Variants in PSD3 observed in about 807,000 individuals in gnomAD.
PSD3 encodes the protein pleckstrin and Sec7 domain containing 3.
Under a neutral mutation model 105.5 loss-of-function variants are expected in PSD3, and 49 were observed. That is an observed-to-expected ratio of 0.46 (90% CI 0.37 to 0.59). PSD3 has a LOEUF of 0.59. Ranked by LOEUF, PSD3 falls within the 20% of genes least tolerant of loss-of-function variation. The probability of loss-of-function intolerance (pLI) is 0.00; values close to 1 mark genes in which losing one functional copy is unlikely to be tolerated. For missense variants in PSD3, 1,561 were observed against 1,263.8 expected, an observed-to-expected ratio of 1.24 and a Z score of -3.57; for synonymous variants, 557 against 457.8, an observed-to-expected ratio of 1.22 and a Z score of -2.77.
intron 11 of PSD3, among the ~76,000 whole-genome samples, chr8:18,613,019 A>T (rs1805381072): frequency 7.0e-6 from 1 of 142,972 alleles, no homozygotes; most frequent in Non-Finnish European, 1.5e-5. Context: ...AAAACAGGTC[A>T]GAACACAAGA....
chr8:18,563,797 A>T (rs905680657), intron 14 of PSD3, among the ~76,000 whole-genome samples: 11 of 152,200 alleles, frequency 7.2e-5, no homozygotes, highest in African/African-American at 2.7e-4. Flanking sequence ...AAAATGAATC[A>T]GTTAAGGGTA....
At chr8:18,583,415 A>T (rs891479459) in intron 12 of PSD3, among the ~76,000 whole-genome samples, 3 of 152,146 alleles carry the variant, frequency 2.0e-5, no homozygotes, top group African/African-American at 4.8e-5. Context: ...TGGGTAACAG[A>T]GTGAGACCTA....
intron 2 of PSD3, among the ~76,000 whole-genome samples, chr8:18,912,153 C>CA (rs1820265834): frequency 6.6e-6 from 1 of 152,126 alleles, no homozygotes; most frequent in Admixed American, 6.5e-5. Flanking sequence ...AAGTTTTTGC[C>CA]ATGAAAATCC....
At chr8:18,957,971 C>G (rs1823681964) in intron 1 of PSD3, among the ~76,000 whole-genome samples, 2 of 152,146 alleles carry the variant, frequency 1.3e-5, no homozygotes, top group African/African-American at 4.8e-5. Context: ...GATAATTAAG[C>G]TATTGCTACC....
chr8:18,541,696 C>T (rs1352089366), intron 15 of PSD3, among the ~76,000 whole-genome samples: 4 of 151,668 alleles, frequency 2.6e-5, no homozygotes, highest in African/African-American at 4.8e-5. Flanking sequence ...TAGAGAGAAA[C>T]GTAGGTTATA....
At chr8:18,993,270 T>C (rs796998052) in intron 1 of PSD3, among the ~76,000 whole-genome samples, 35 of 152,318 alleles carry the variant, frequency 2.3e-4, no homozygotes, top group African/African-American at 8.4e-4. Flanking sequence ...CTTCTCTCCT[T>C]AGGTTAAAGA....
intron 1 of PSD3, among the ~76,000 whole-genome samples, chr8:19,006,309 A>T (rs56665093): frequency 6.9e-6 from 1 of 145,888 alleles, no homozygotes. Flanking sequence ...AAAAAAAAAA[A>T]AAAAGAATAT....
intron 14 of PSD3, among the ~76,000 whole-genome samples, chr8:18,559,786 C>A (rs968798830): frequency 2.0e-5 from 3 of 152,106 alleles, no homozygotes; most frequent in East Asian, 3.9e-4. Context: ...GGAATACAGG[C>A]TAGAATGACA....
At chr8:18,741,402 T>C (rs1478883953) in intron 9 of PSD3, among the ~76,000 whole-genome samples, 2 of 152,206 alleles carry the variant, frequency 1.3e-5, no homozygotes, top group Non-Finnish European at 2.9e-5. Context: ...GATCTTTCCC[T>C]AGAGTTTGTT....
intron 10 of PSD3, among the ~76,000 whole-genome samples, chr8:18,643,926 G>C (rs896185602): frequency 6.6e-6 from 1 of 152,230 alleles, no homozygotes; most frequent in Non-Finnish European, 1.5e-5. Context: ...AGTGGGCTAA[G>C]CTGTAGCTAG....
At chr8:18,747,414 G>A (rs1410732785) in intron 9 of PSD3, among the ~76,000 whole-genome samples, 1 of 152,228 alleles carries the variant, frequency 6.6e-6, no homozygotes, top group Non-Finnish European at 1.5e-5. Flanking sequence ...AAGTGGACAT[G>A]ACTGACATAA....
intron 1 of PSD3, among the ~76,000 whole-genome samples, chr8:18,958,235 T>C (rs1393155449): frequency 6.6e-6 from 1 of 152,216 alleles, no homozygotes; most frequent in Non-Finnish European, 1.5e-5. Flanking sequence ...TAATAATGTA[T>C]GCATATAATG....
chr8:18,890,528 T>C (rs1019716763), intron 2 of PSD3, among the ~76,000 whole-genome samples: 2 of 152,122 alleles, frequency 1.3e-5, no homozygotes, highest in Admixed American at 1.3e-4. Flanking sequence ...ATACGCTGTT[T>C]TGAAAAGAAA....
Position 18,801,327 on chromosome 8 carries a change from A to T in PSD3, c.1966T>A (p.Leu656Ile). 1 of 1,608,984 alleles carries T rather than the reference A, an allele frequency of 6.2e-7. No individual in the cohort carries two copies. Among genetic ancestry groups the T allele is most frequent in the Non-Finnish European group, 8.5e-7 (1 of 1,176,262 alleles). Residue 656 changes from leucine (L) to isoleucine (I), a missense_variant, in exon 7 of 16, where the codon TTA (leucine) becomes ATA (isoleucine). Leu to Ile is a conservative substitution (Grantham distance 5). Transcript: ENST00000327040. ...VGETQERERV[L>I]IHFSNRYFYC... ...AAATATCTATTGGAGAAGTGTATTA[A>T]AACTCTCTCTCGTTCTTGAGTTTCT...
intron 10 of PSD3, among the ~76,000 whole-genome samples, chr8:18,635,139 T>C (rs1807163091): frequency 6.6e-6 from 1 of 152,158 alleles, no homozygotes; most frequent in African/African-American, 2.4e-5. Flanking sequence ...GGAGTTATAA[T>C]AAGGTGTGCT....
intron 1 of PSD3, among the ~76,000 whole-genome samples, chr8:18,998,264 A>C (rs981866551): frequency 1.3e-5 from 2 of 152,042 alleles, no homozygotes; most frequent in Admixed American, 1.3e-4. Context: ...TTGATAATTA[A>C]ATTAACCACA....
intron 1 of PSD3, among the ~76,000 whole-genome samples, chr8:18,957,186 C>G (rs1419078734): frequency 6.6e-6 from 1 of 151,996 alleles, no homozygotes; most frequent in Non-Finnish European, 1.5e-5. Context: ...TCCTGGCCAA[C>G]ACAGTGAAAC....
At chr8:18,599,090 G>C (rs1804244861) in intron 12 of PSD3, among the ~76,000 whole-genome samples, 1 of 152,100 alleles carries the variant, frequency 6.6e-6, no homozygotes, top group Non-Finnish European at 1.5e-5. Flanking sequence ...CTGAATCTCT[G>C]AATAAGCCAT....
At chr8:18,769,058 T>C (rs935270515) in intron 8 of PSD3, among the ~76,000 whole-genome samples, 1 of 152,118 alleles carries the variant, frequency 6.6e-6, no homozygotes, top group Non-Finnish European at 1.5e-5. Flanking sequence ...GTTTTCCCAA[T>C]CCTTTCCAAC....
Sources: allele counts gnomAD v4.1 joint callset (sites outside exome capture counted in the v4.1 genomes callset), GRCh38; gene constraint gnomAD v4.1.1; transcripts MANE v1.5; gene names NCBI Gene and HGNC (gene_info 2026-07-23, HGNC 2026-07-21).